The following FBXW12 variants were observed in gnomAD, a reference collection of about 807,000 sequenced individuals.
The protein encoded by FBXW12 is F-box/WD repeat-containing protein 12.
Under a neutral mutation model 55.3 loss-of-function variants are expected in FBXW12, and 43 were observed. The ratio of observed to expected loss-of-function variants is 0.78; its 90% CI spans 0.61 to 1.00. FBXW12 has a LOEUF of 1.00. FBXW12 is among the 50% of genes least tolerant of loss of function. FBXW12 has a pLI of 0.00. For synonymous variants in FBXW12, 184 were observed against 203.8 expected (o/e 0.90, Z 0.83); for missense variants, 524 against 560.5 (o/e 0.93, Z 0.66).
intron 4 of FBXW12, among the ~76,000 whole-genome samples, chr3:48,374,710 C>T (rs190964136): frequency 6.6e-6 from 1 of 151,958 alleles, no homozygotes; most frequent in Admixed American, 6.6e-5. Context: ...AAGCGATCCT[C>T]CCACCTCGGC....
At chr3:48,374,729 C>G (rs1431219260) in intron 4 of FBXW12, among the ~76,000 whole-genome samples, 1 of 147,982 alleles carries the variant, frequency 6.8e-6, no homozygotes, top group Non-Finnish European at 1.5e-5. Context: ...GCCTCACAGG[C>G]GTGAGCCACT....
At chr3:48,392,034 A>G (rs1372283235) in intron 10 of FBXW12, among the ~76,000 whole-genome samples, 1 of 152,314 alleles carries the variant, frequency 6.6e-6, no homozygotes, top group African/African-American at 2.4e-5. Context: ...AAAAAAATCA[A>G]TTGACCTTAA....
At chr3:48,390,969 T>C (rs1291142435) in intron 10 of FBXW12, among the ~76,000 whole-genome samples, 1 of 151,854 alleles carries the variant, frequency 6.6e-6, no homozygotes, top group Non-Finnish European at 1.5e-5. Flanking sequence ...AGGGTTTTCT[T>C]TGTATAGAAT....
intron 10 of FBXW12, among the ~76,000 whole-genome samples, chr3:48,392,130 T>C (rs1353833716): frequency 1.3e-5 from 2 of 151,886 alleles, no homozygotes; most frequent in East Asian, 1.9e-4. Flanking sequence ...GGATTTTTTG[T>C]TTGTTTACGG....
chr3:48,389,478 A>G (rs2036891605), intron 10 of FBXW12, among the ~76,000 whole-genome samples: 1 of 152,180 alleles, frequency 6.6e-6, no homozygotes, highest in Non-Finnish European at 1.5e-5. Flanking sequence ...TCCTAGGTTC[A>G]AGTGATTCTC....
At chr3:48,386,273 G>C (rs1311548389) in intron 10 of FBXW12, among the ~76,000 whole-genome samples, 1 of 152,046 alleles carries the variant, frequency 6.6e-6, no homozygotes, top group Non-Finnish European at 1.5e-5. Flanking sequence ...TGTGTTCCTG[G>C]CACCTTTGTT....
intron 8 of FBXW12, 48 bp downstream of exon 8, chr3:48,380,960 A>G (rs1363434302): frequency 2.0e-6 from 3 of 1,491,610 alleles, no homozygotes; most frequent in South Asian, 2.3e-5. Flanking sequence ...CTCATCACAC[A>G]GTCATTCGTG....
Position 48,379,500 on chromosome 3 carries a change from G to T in FBXW12, c.716G>T (p.Cys239Phe). Residue 239 changes from cysteine to phenylalanine, a missense_variant, in exon 7 of 11, where the codon TGC (cysteine) becomes TTC (phenylalanine). Cys to Phe is a radical substitution (Grantham distance 205). Coordinates refer to ENST00000296438, the MANE Select transcript of FBXW12 (RefSeq NM_207102.2). Reference sequence around the variant, plus strand: ...CAATATGGTATTGTACTTCTACACTGCTCTCCTGACAAGAAATGGGTATTT... The same window carrying T: ...CAATATGGTATTGTACTTCTACACTTCTCTCCTGACAAGAAATGGGTATTT... ...AFQYGIVLLH[C>F]SPDKKWVFAC... 1.2e-6 allele frequency: 2 copies of T among 1,614,018 alleles called. No individual in the cohort carries two copies. Among genetic ancestry groups the T allele is most frequent in the Non-Finnish European group, 1.7e-6 (2 of 1,179,842 alleles).
At chr3:48,391,355 C>T (rs6803460) in intron 10 of FBXW12, among the ~76,000 whole-genome samples, 14,723 of 141,156 alleles carry the variant, frequency 0.1, 1,435 homozygotes, top group African/African-American at 0.26. Context: ...CACACACACA[C>T]ATATATATAT....
In FBXW12 at chr3:48,380,767, ACATAAATTATGTGCCAG is replaced by A. The variant is rs1560031840; in HGVS notation, c.842_858del (p.His281ArgfsTer18). ...GTGTTCCTCTGTCTACCTTTCTCCC[ACATAAATTATGTGCCAG>A]CGCCTGCTGGACCCCAAAGGTGAAA... On this transcript the variant is annotated frameshift_variant, in exon 8 of 11. Coordinates refer to ENST00000296438, the MANE Select transcript of FBXW12 (RefSeq NM_207102.2). LOFTEE classifies it high-confidence loss of function. 6.2e-7 allele frequency: 1 copy of A among 1,614,148 alleles called. No homozygotes were observed. The highest frequency in any genetic ancestry group is 2.2e-5 in the East Asian group (1 of 44,878).
intron 5 of FBXW12, among the ~76,000 whole-genome samples, chr3:48,377,034 T>C (rs1215511251): frequency 1.3e-5 from 2 of 152,216 alleles, no homozygotes; most frequent in African/African-American, 4.8e-5. Context: ...GCTTCATCTA[T>C]ACCTGGACCT....
rs575151955 is a variant in FBXW12 at position 48,377,803 on chromosome 3, C to T, written c.406-514C>T. 1.1e-4 allele frequency among the ~76,000 whole-genome samples: 16 copies of T among 152,272 alleles called. No individual in the cohort carries two copies. In the South Asian group the frequency reaches 3.1e-3, roughly 30 times the overall value. Reference sequence around the variant, plus strand: ...TCACTTGTGATAATTTATTAAACTTCGTGCTCTTTTCTTATATGATATACT... The same window carrying T: ...TCACTTGTGATAATTTATTAAACTTTGTGCTCTTTTCTTATATGATATACT... On this transcript the variant is annotated intron_variant, in intron 5 of 10. Coordinates refer to ENST00000296438, the MANE Select transcript of FBXW12 (RefSeq NM_207102.2).
In FBXW12 at chr3:48,381,760, C is replaced by T. The variant is rs1184335651; in HGVS notation, c.1046C>T (p.Ala349Val). The T allele has an allele frequency of 4.3e-6, 7 of 1,610,486 alleles. No homozygotes were observed. The highest frequency in any genetic ancestry group is 5.9e-6 in the Non-Finnish European group (7 of 1,177,630). ...CTGAAGTGCCCTATCTGGATGGGAG[C>T]CAGTGATGGATATATGATTGTCTTT... ...AHLKCPIWMG[A>V]SDGYMIVFTS... The change falls in exon 9 of 11, where the codon GCC (alanine) becomes GTC (valine). Residue 349 changes from alanine (A) to valine (V), a missense_variant. Ala to Val is a moderately conservative substitution (Grantham distance 64). Transcript: ENST00000296438.
intron 2 of FBXW12, 70 bp from the exon 3 acceptor site, chr3:48,373,238 A>T: frequency 6.2e-7 from 1 of 1,611,196 alleles, no homozygotes; most frequent in Non-Finnish European, 8.5e-7. Flanking sequence ...AGAACAAATA[A>T]TAGCAGAGGA....
intron 5 of FBXW12, among the ~76,000 whole-genome samples, chr3:48,376,407 T>C (rs2036687188): frequency 1.3e-5 from 2 of 152,364 alleles, no homozygotes; most frequent in Admixed American, 1.3e-4. Context: ...ACCTGTTCTA[T>C]TGCCTCTTTG....
chr3:48,377,041 A>T (rs2036695073), intron 5 of FBXW12, among the ~76,000 whole-genome samples: 1 of 152,176 alleles, frequency 6.6e-6, no homozygotes, highest in Non-Finnish European at 1.5e-5. Flanking sequence ...CTATACCTGG[A>T]CCTAGAAACA....
chr3:48,382,930 C>T (rs1267630846), intron 10 of FBXW12, among the ~76,000 whole-genome samples: 3 of 152,200 alleles, frequency 2.0e-5, no homozygotes, highest in African/African-American at 7.2e-5. Context: ...GAAGCTATAC[C>T]TCCAATCATT....
intron 10 of FBXW12, among the ~76,000 whole-genome samples, chr3:48,391,647 T>C (rs1187711177): frequency 6.6e-6 from 1 of 152,170 alleles, no homozygotes; most frequent in Non-Finnish European, 1.5e-5. Context: ...GGCTCTTATT[T>C]TGAGGTATGC....
At chr3:48,372,655 AG>A (rs1404061452) in intron 1 of FBXW12, 28 bp from the exon 2 acceptor site, 1 of 1,594,628 alleles carries the variant, frequency 6.3e-7, no homozygotes, top group East Asian at 2.2e-5. Flanking sequence ...TACCGCACAC[AG>A]ATGGGCATGG....
Sources: gnomAD v4.1 joint callset for allele counts (sites outside exome capture counted in the v4.1 genomes callset) on GRCh38, gnomAD v4.1.1 for gene constraint, MANE v1.5 for transcripts, NCBI Gene and HGNC (gene_info 2026-07-23, HGNC 2026-07-21) for gene names.